The following HERC4 variants were observed in gnomAD, a reference collection of about 807,000 sequenced individuals.
HERC4 encodes the protein HECT and RLD domain containing E3 ubiquitin protein ligase 4.
A neutral mutation model predicts 124.3 loss-of-function variants in HERC4; 28 were observed. The observed-to-expected ratio is 0.23, with a 90% CI of 0.17 to 0.31. HERC4 has a LOEUF of 0.31. Ranked by LOEUF, HERC4 falls within the 10% of genes least tolerant of loss-of-function variation. The pLI is 1.00. For synonymous variants in HERC4, 407 were observed against 421.5 expected (o/e 0.97, Z 0.42); for missense variants, 713 against 1,229.3 (o/e 0.58, Z 6.28).
chr10:67,975,977 G>A (rs1295721028), intron 15 of HERC4, among the ~76,000 whole-genome samples: 2 of 150,380 alleles, frequency 1.3e-5, no homozygotes, highest in Admixed American at 1.3e-4. Context: ...AGAAGGGGTC[G>A]GCAAACTACA....
At chr10:68,074,700 C>T (rs1012084368) in intron 1 of HERC4, 3 of 152,456 alleles carry the variant, frequency 2.0e-5, no homozygotes, top group Non-Finnish European at 4.4e-5. Context: ...CTCGCAACAG[C>T]TTCAGAGGCC....
Position 67,922,987 on chromosome 10 carries a change from G to C in HERC4, c.3094C>G (p.Leu1032Val). ...ATAGCTTGGATCAGTTTAGAGCGTA[G>C]AGTTTCTTTTTCTGTATATTTTGGA... ...DLPKYTEKET[L>V]RSKLIQAIDH... The change falls in exon 25 of 25, where the codon CTA becomes GTA. Residue 1032 changes from leucine to valine, a missense_variant. Physicochemically the swap from Leu to Val is conservative, Grantham distance 32. Coordinates refer to ENST00000373700, the MANE Select transcript of HERC4 (RefSeq NM_015601.4). 6.2e-7 allele frequency: 1 copy of C among 1,613,850 alleles called. No homozygotes were observed. The highest frequency in any genetic ancestry group is 8.5e-7 in the Non-Finnish European group (1 of 1,179,816).
Position 67,988,691 on chromosome 10 carries a change from G to T in HERC4, c.1778C>A (p.Ala593Glu). ...RRIFNSFLHT[A>E]LKVLEILHRV... Reference sequence around the variant, plus strand: ...ATGTAGTATTTCTAAAACCTTTAATGCAGTATGAAGAAAACTGTTGAAAAT... The same window carrying T: ...ATGTAGTATTTCTAAAACCTTTAATTCAGTATGAAGAAAACTGTTGAAAAT... The change falls in exon 15 of 25, where the codon GCA becomes GAA. Residue 593 changes from alanine to glutamate, a missense_variant. Coordinates refer to ENST00000373700, the MANE Select transcript of HERC4 (RefSeq NM_015601.4). The T allele has an allele frequency of 6.3e-7, 1 of 1,588,922 alleles. No individual in the cohort carries two copies. The highest frequency in any genetic ancestry group is 8.6e-7 in the Non-Finnish European group (1 of 1,169,264).
rs374379159 is a variant in HERC4 at position 68,069,566 on chromosome 10, GT to G, written c.226+3316del. 8,898 of 985,366 alleles carry G rather than the reference GT, an allele frequency of 9.0e-3. 50 individuals are homozygous for G. Among genetic ancestry groups the G allele is most frequent in the Non-Finnish European group, 9.8e-3 (8,122 of 829,876 alleles). The allele number at this position is 985,366 out of a possible 1,614,324, so 61.0% of individuals were successfully genotyped here. A position where few individuals can be genotyped will look rare whatever the true frequency, so the allele number is the denominator to read the frequency against. Reference sequence around the variant, plus strand: ...ACAGGTTAAATCTATTCACTACATTGTCAGGCCAAGTCCTCCAGTAGGTTAT... The same window carrying G: ...ACAGGTTAAATCTATTCACTACATTGCAGGCCAAGTCCTCCAGTAGGTTAT... On this transcript the variant is annotated intron_variant, in intron 3 of 24. Coordinates refer to ENST00000373700, the MANE Select transcript of HERC4 (RefSeq NM_015601.4).
chr10:67,945,797 A>G (rs1039631880), intron 19 of HERC4, among the ~76,000 whole-genome samples: 5 of 151,564 alleles, frequency 3.3e-5, no homozygotes, highest in African/African-American at 4.8e-5. Flanking sequence ...TGCAAGCCTC[A>G]TGGTAAACTC....
In HERC4 at chr10:67,959,982, T is replaced by C. The variant is rs190295971; in HGVS notation, c.1927-3006A>G. Among the ~76,000 whole-genome samples, 10 of 152,336 alleles carry C rather than the reference T, an allele frequency of 6.6e-5. No individual in the cohort carries two copies. The East Asian group carries it at 1.9e-3, about 29-fold the overall frequency. On this transcript the variant is annotated intron_variant, in intron 16 of 24. Coordinates refer to ENST00000373700, the MANE Select transcript of HERC4 (RefSeq NM_015601.4). ...AAGAGAGGGCATTGCCCTGGGTTAC[T>C]AGGAGGTGACCTATAGACCTGTGCA...
intron 7 of HERC4, among the ~76,000 whole-genome samples, chr10:68,026,871 G>A (rs559345569): frequency 8.6e-5 from 13 of 151,914 alleles, no homozygotes; most frequent in Non-Finnish European, 1.5e-4. Flanking sequence ...GCATGGTAGT[G>A]GGTGCCTGTA....
intron 15 of HERC4, among the ~76,000 whole-genome samples, chr10:67,988,412 T>C (rs975985419): frequency 6.6e-6 from 1 of 152,070 alleles, no homozygotes; most frequent in Non-Finnish European, 1.5e-5. Flanking sequence ...TCTAACTCAT[T>C]AGTATGTTAT....
intron 7 of HERC4, among the ~76,000 whole-genome samples, chr10:68,030,210 C>T (rs1055824266): frequency 4.6e-5 from 7 of 151,506 alleles, no homozygotes; most frequent in Non-Finnish European, 7.4e-5. Flanking sequence ...GAGGCAGAGG[C>T]GGGCAGATCA....
chr10:68,065,654 C>T (rs2041264645), intron 3 of HERC4, among the ~76,000 whole-genome samples: 1 of 152,112 alleles, frequency 6.6e-6, no homozygotes, highest in African/African-American at 2.4e-5. Context: ...GCGAGGATCA[C>T]TTCGAGACCA....
chr10:67,995,952 T>A (rs1164186518), intron 9 of HERC4: 1 of 287,536 alleles, frequency 3.5e-6, no homozygotes, highest in Non-Finnish European at 6.9e-6. Context: ...TGAACAGACA[T>A]CATATCTTCC....
chr10:68,046,796 G>A (rs1009405280), intron 3 of HERC4, among the ~76,000 whole-genome samples: 6 of 152,086 alleles, frequency 3.9e-5, no homozygotes, highest in South Asian at 2.1e-4. Flanking sequence ...GTGAGACCTC[G>A]TCTCTACAAA....
intron 3 of HERC4, among the ~76,000 whole-genome samples, chr10:68,071,963 T>C (rs1057461609): frequency 1.3e-5 from 2 of 152,212 alleles, no homozygotes; most frequent in African/African-American, 4.8e-5. Flanking sequence ...CTGAATATCT[T>C]AGATTACATT....
Position 68,039,605 on chromosome 10 carries a change from G to A in HERC4, c.387-1436C>T, listed in dbSNP as rs922713033. 76 of 1,431,044 alleles carry A rather than the reference G, an allele frequency of 5.3e-5. No individual in the cohort carries two copies. In the South Asian group the frequency reaches 6.6e-4, roughly 12 times the overall value. 88.6% of individuals were successfully genotyped at this position (1,431,044 alleles called of 1,614,324 possible). On this transcript the variant is annotated intron_variant, in intron 4 of 24. Transcript: ENST00000373700. ...CTCTTAACTACAAAACCTGAGAGCTGTACTGCTACAATTTAGCAGAATCCA... is the reference window on the plus strand; with the variant it reads ...CTCTTAACTACAAAACCTGAGAGCTATACTGCTACAATTTAGCAGAATCCA...
At chr10:67,946,675 G>A (rs980006164) in intron 19 of HERC4, among the ~76,000 whole-genome samples, 2 of 152,042 alleles carry the variant, frequency 1.3e-5, no homozygotes, top group Non-Finnish European at 1.5e-5. Flanking sequence ...TTGGGAGGCC[G>A]AGGTGGGCGG....
At chr10:67,926,514 A>G (rs1589105289) in intron 23 of HERC4, among the ~76,000 whole-genome samples, 1 of 152,252 alleles carries the variant, frequency 6.6e-6, no homozygotes, top group East Asian at 1.9e-4. Flanking sequence ...ATCCAGCCGC[A>G]GTTGGCTTTA....
At chr10:67,939,974 T>C (rs1369212663) in intron 20 of HERC4, among the ~76,000 whole-genome samples, 1 of 152,192 alleles carries the variant, frequency 6.6e-6, no homozygotes, top group Non-Finnish European at 1.5e-5. Context: ...TCGCCCAGGC[T>C]GAAGTGCAGT....
intron 23 of HERC4, among the ~76,000 whole-genome samples, chr10:67,926,729 C>T (rs1281157949): frequency 1.1e-4 from 17 of 152,208 alleles, no homozygotes; most frequent in Admixed American, 1.1e-3. Flanking sequence ...GGGAAAACCT[C>T]AGTGAACAGA....
chr10:68,067,179 T>C (rs1158670681), intron 3 of HERC4: 1 of 152,610 alleles, frequency 6.6e-6, no homozygotes, highest in Non-Finnish European at 1.5e-5. Flanking sequence ...AACCATGAGT[T>C]ATTGTGTAAT....
Sources: allele counts gnomAD v4.1 joint callset (sites outside exome capture counted in the v4.1 genomes callset), GRCh38; gene constraint gnomAD v4.1.1; transcripts MANE v1.5; gene names NCBI Gene and HGNC (gene_info 2026-07-23, HGNC 2026-07-21).